The following RAPGEF5 variants were observed in gnomAD, a reference collection of about 807,000 sequenced individuals.
The protein encoded by RAPGEF5 is M-Ras-regulated GEF.
Under a neutral mutation model 125.2 loss-of-function variants are expected in RAPGEF5, and 65 were observed. That is an observed-to-expected ratio of 0.52 (90% CI 0.43 to 0.64). RAPGEF5 has a LOEUF of 0.64. RAPGEF5 is among the 30% of genes least tolerant of loss of function. RAPGEF5 has a pLI of 0.00. For missense variants in RAPGEF5, 958 were observed against 1,048.1 expected, an observed-to-expected ratio of 0.91 and a Z score of 1.19; for synonymous variants, 391 against 385.9, an observed-to-expected ratio of 1.01 and a Z score of -0.16.
At chr7:22,167,281 G>T in intron 11 of RAPGEF5, 133 bp from the exon 12 acceptor site, 1 of 609,342 alleles carries the variant, frequency 1.6e-6, no homozygotes, top group South Asian at 2.7e-5. Context: ...GGGATTAGGA[G>T]AATTTTAGCC....
rs1782470228 is a variant in RAPGEF5 at position 22,118,492 on chromosome 7, A to G, written c.*3914T>C. On this transcript the variant is annotated 3_prime_UTR_variant, in exon 26 of 26. Coordinates refer to ENST00000665637, the MANE Select transcript of RAPGEF5 (RefSeq NM_012294.5). ...ATATACATATATATTATATATATAC[A>G]CAGAGGCAGAAAGCATGGAATATGG... 6.6e-6 allele frequency: 1 copy of G among 152,668 alleles called. No homozygotes were observed. The highest frequency in any genetic ancestry group is 2.1e-4 in the South Asian group (1 of 4,834). The allele number at this position is 152,668 out of a possible 1,614,324, so 9.5% of individuals were successfully genotyped here.
In RAPGEF5 at chr7:22,136,947, G is replaced by A. The variant is rs1783097951; in HGVS notation, c.2314C>T (p.Leu772Phe). 2 of 1,586,622 alleles carry A rather than the reference G, an allele frequency of 1.3e-6. No homozygotes were observed. The highest frequency in any genetic ancestry group is 8.6e-7 in the Non-Finnish European group (1 of 1,161,786). Residue 772 changes from leucine to phenylalanine, a missense_variant, in exon 22 of 26, where the codon CTT (leucine) becomes TTT (phenylalanine). Transcript: ENST00000665637. ...PGKFKKLFSELESLTDPSLNH... is the reference protein window; with the variant it reads ...PGKFKKLFSEFESLTDPSLNH... ...CAACTACTTACTGTTAAACTTTCAA[G>A]TTCAGAGAAAAGTTTCTTAAACTTC...
intron 17 of RAPGEF5, among the ~76,000 whole-genome samples, chr7:22,153,383 A>G (rs1218307840): frequency 6.6e-6 from 1 of 152,198 alleles, no homozygotes; most frequent in Non-Finnish European, 1.5e-5. Context: ...TCTGATTAAA[A>G]GTCATTTAGG....
chr7:22,201,645 G>C (rs894136051), intron 9 of RAPGEF5, among the ~76,000 whole-genome samples: 3 of 152,182 alleles, frequency 2.0e-5, no homozygotes, highest in Admixed American at 1.3e-4. Flanking sequence ...TTCTTGTCTA[G>C]TGCCTATATC....
At chr7:22,146,129 GAAATCTGTTTAATGAGA>G (rs1783433024) in intron 19 of RAPGEF5, among the ~76,000 whole-genome samples, 1 of 152,102 alleles carries the variant, frequency 6.6e-6, no homozygotes, top group Non-Finnish European at 1.5e-5. Context: ...TCATAATATT[GAAATCTGTTTAATGAGA>G]AAATATGAGG....
intron 6 of RAPGEF5, among the ~76,000 whole-genome samples, chr7:22,290,737 T>C (rs1297971708): frequency 4.3e-5 from 5 of 115,164 alleles, no homozygotes; most frequent in Non-Finnish European, 5.0e-5. Flanking sequence ...AGAGCGAGAC[T>C]CCGTCTCAAA....
intron 6 of RAPGEF5, among the ~76,000 whole-genome samples, chr7:22,282,721 A>G (rs1266266884): frequency 1.3e-5 from 2 of 152,242 alleles, no homozygotes; most frequent in Non-Finnish European, 2.9e-5. Context: ...AATATTAGCC[A>G]TTCTTAGCCT....
At chr7:22,190,097 T>C (rs1481412680) in intron 11 of RAPGEF5, among the ~76,000 whole-genome samples, 1 of 152,050 alleles carries the variant, frequency 6.6e-6, no homozygotes, top group Non-Finnish European at 1.5e-5. Flanking sequence ...CTGACCAACA[T>C]GGTGAAACTC....
intron 2 of RAPGEF5, among the ~76,000 whole-genome samples, chr7:22,317,435 T>A (rs1783625850): frequency 6.6e-6 from 1 of 151,828 alleles, no homozygotes; most frequent in African/African-American, 2.4e-5. Flanking sequence ...AGAGATGGGG[T>A]TTCACCGTGT....
intron 9 of RAPGEF5, among the ~76,000 whole-genome samples, chr7:22,204,469 C>G (rs150196924): frequency 6.6e-6 from 1 of 152,084 alleles, no homozygotes; most frequent in South Asian, 2.1e-4. Context: ...TGTGTGTGCA[C>G]GCATGCCTGT....
Position 22,222,301 on chromosome 7 carries a change from A to C in RAPGEF5, c.871-2310T>G, listed in dbSNP as rs77383559. On this transcript the variant is annotated intron_variant, in intron 8 of 25. Coordinates refer to ENST00000665637, the MANE Select transcript of RAPGEF5 (RefSeq NM_012294.5). ...GCATACATTCATGATGTAACATACC[A>C]ATAGGAAATACAGAGTGGTAATATA... Among the ~76,000 whole-genome samples the C allele has an allele frequency of 5.1e-3, 770 of 152,282 alleles. 8 individuals carry two copies. The highest frequency in any genetic ancestry group is 0.018 in the African/African-American group (736 of 41,554).
At chr7:22,212,254 T>A (rs150356148) in intron 9 of RAPGEF5, among the ~76,000 whole-genome samples, 2,251 of 152,276 alleles carry the variant, frequency 0.015, 56 homozygotes, top group African/African-American at 0.052. Context: ...ATTACAGGCG[T>A]GAGCCACCAC....
At chr7:22,330,820 C>A (rs1057333129) in intron 1 of RAPGEF5, among the ~76,000 whole-genome samples, 11 of 152,156 alleles carry the variant, frequency 7.2e-5, no homozygotes, top group Non-Finnish European at 1.0e-4. Flanking sequence ...TAATACCTGA[C>A]CTGAAGGCAC....
At chr7:22,135,071 G>A (rs1783038149) in intron 23 of RAPGEF5, among the ~76,000 whole-genome samples, 1 of 152,208 alleles carries the variant, frequency 6.6e-6, no homozygotes, top group African/African-American at 2.4e-5. Flanking sequence ...GAAAATGCCA[G>A]CTTTATTGGG....
chr7:22,262,732 CG>C (rs35465287), intron 7 of RAPGEF5, among the ~76,000 whole-genome samples: 55,905 of 151,980 alleles, frequency 0.37, 10,974 homozygotes, highest in East Asian at 0.71. Context: ...ATTCATGCCA[CG>C]GAACACTATT....
chr7:22,322,324 T>C (rs1783730274), intron 1 of RAPGEF5, among the ~76,000 whole-genome samples: 1 of 151,622 alleles, frequency 6.6e-6, no homozygotes, highest in African/African-American at 2.4e-5. Flanking sequence ...TTTCTTTTTT[T>C]TTTGGAGAGA....
At chr7:22,302,783 T>G (rs1344978124) in intron 5 of RAPGEF5, among the ~76,000 whole-genome samples, 2 of 49,250 alleles carry the variant, frequency 4.1e-5, no homozygotes, top group Non-Finnish European at 7.8e-5. Context: ...CACCCCCGCC[T>G]TTTTTTTTTT....
At chr7:22,303,200 T>G (rs1184063421) in intron 5 of RAPGEF5, among the ~76,000 whole-genome samples, 1 of 152,234 alleles carries the variant, frequency 6.6e-6, no homozygotes. Context: ...CTCAACTCTC[T>G]GCTTAAAATA....
chr7:22,254,721 G>A (rs934557784), intron 7 of RAPGEF5, among the ~76,000 whole-genome samples: 1 of 152,078 alleles, frequency 6.6e-6, no homozygotes, highest in Non-Finnish European at 1.5e-5. Context: ...CATGGACTTG[G>A]AGAGGAAGGG....
Sources: allele counts gnomAD v4.1 joint callset (sites outside exome capture counted in the v4.1 genomes callset), GRCh38; gene constraint gnomAD v4.1.1; transcripts MANE v1.5; gene names NCBI Gene and HGNC (gene_info 2026-07-23, HGNC 2026-07-21).